Variants in HMGA2 observed in about 807,000 individuals in gnomAD.
HMGA2 encodes the protein high mobility group AT-hook 2.
HMGA2 carries 8 observed loss-of-function variants against 19.1 expected under a neutral mutation model. That is an observed-to-expected ratio of 0.42 (90% confidence interval 0.25 to 0.76). HMGA2 has a LOEUF of 0.76. HMGA2 is among the 30% of genes least tolerant of loss of function. The probability of loss-of-function intolerance (pLI) is 0.28; values close to 1 mark genes in which losing one functional copy is unlikely to be tolerated. For missense variants in HMGA2, 109 were observed against 136.3 expected, an observed-to-expected ratio of 0.80 and a Z score of 1.00; for synonymous variants, 60 against 48.8, an observed-to-expected ratio of 1.23 and a Z score of -0.96.
chr12:65,898,581 G>C (rs1409660684), intron 3 of HMGA2, among the ~76,000 whole-genome samples: 1 of 152,050 alleles, frequency 6.6e-6, no homozygotes, highest in Non-Finnish European at 1.5e-5. Context: ...TCAAACATAT[G>C]GTTATAGTAC....
intron 3 of HMGA2, among the ~76,000 whole-genome samples, chr12:65,939,493 A>G (rs1267526428): frequency 6.6e-6 from 1 of 151,960 alleles, no homozygotes; most frequent in Non-Finnish European, 1.5e-5. Flanking sequence ...GCAGCTGTGA[A>G]TACAGGCACC....
At chr12:65,826,715 T>A (rs1870216639) in intron 1 of HMGA2, 1 of 150,850 alleles carries the variant, frequency 6.6e-6, no homozygotes, top group African/African-American at 2.4e-5. Context: ...TCCCAGGAAG[T>A]CTCTGCCCTC....
intron 3 of HMGA2, among the ~76,000 whole-genome samples, chr12:65,926,675 C>A (rs1875515663): frequency 6.6e-6 from 1 of 152,230 alleles, no homozygotes. Context: ...TGCTTTCAAT[C>A]AGCAAATGCT....
intron 3 of HMGA2, among the ~76,000 whole-genome samples, chr12:65,870,041 A>G (rs1014418450): frequency 1.3e-5 from 2 of 152,182 alleles, no homozygotes; most frequent in African/African-American, 4.8e-5. Context: ...GTAGTGCACA[A>G]TATTCCAGCT....
intron 3 of HMGA2, among the ~76,000 whole-genome samples, chr12:65,883,371 A>G (rs1202121367): frequency 6.6e-6 from 1 of 152,236 alleles, no homozygotes; most frequent in Non-Finnish European, 1.5e-5. Context: ...AAGGATAACA[A>G]CAATACCATT....
intron 3 of HMGA2, among the ~76,000 whole-genome samples, chr12:65,924,908 C>T (rs1236559247): frequency 1.3e-5 from 2 of 152,124 alleles, no homozygotes; most frequent in South Asian, 2.1e-4. Flanking sequence ...CCTCTTCTGC[C>T]GTTCTGTCAT....
intron 3 of HMGA2, among the ~76,000 whole-genome samples, chr12:65,886,703 G>T (rs368486793): frequency 4.1e-4 from 63 of 152,126 alleles, no homozygotes; most frequent in African/African-American, 1.5e-3. Flanking sequence ...TACTGAGAAG[G>T]ACGTGAGCTA....
At chr12:65,959,501 C>G (rs1876690999) in intron 4 of HMGA2, among the ~76,000 whole-genome samples, 1 of 152,210 alleles carries the variant, frequency 6.6e-6, no homozygotes, top group Non-Finnish European at 1.5e-5. Context: ...CGGCCCGGTA[C>G]CTCACTTGTC....
At chr12:65,882,571 T>C (rs2121105225) in intron 3 of HMGA2, among the ~76,000 whole-genome samples, 1 of 152,308 alleles carries the variant, frequency 6.6e-6, no homozygotes, top group Non-Finnish European at 1.5e-5. Context: ...CCCACTGCTG[T>C]TTGGTTTTAA....
intron 3 of HMGA2, among the ~76,000 whole-genome samples, chr12:65,854,065 A>T (rs185354680): frequency 1.3e-5 from 2 of 152,178 alleles, no homozygotes. Flanking sequence ...GACATTTCAA[A>T]GTGTTTGTCA....
intron 3 of HMGA2, among the ~76,000 whole-genome samples, chr12:65,936,493 G>A (rs1875900667): frequency 6.6e-6 from 1 of 152,108 alleles, no homozygotes; most frequent in Admixed American, 6.5e-5. Context: ...AAACGGCCAG[G>A]CTTAAGTGAC....
chr12:65,931,408 C>A (rs1457756659), intron 3 of HMGA2, among the ~76,000 whole-genome samples: 1 of 152,090 alleles, frequency 6.6e-6, no homozygotes, highest in Non-Finnish European at 1.5e-5. Context: ...CTCCCGAAAC[C>A]ATCATCTCAC....
rs556108928 is a variant in HMGA2 at position 65,925,006 on chromosome 12, C to T, written c.250-26377C>T. 1.8e-4 allele frequency among the ~76,000 whole-genome samples: 27 copies of T among 152,258 alleles called. 1 individual carries two copies. The highest frequency in any genetic ancestry group is 6.5e-4 in the African/African-American group (27 of 41,554). Reference sequence around the variant, plus strand: ...AAAATTTAACAGAATAAAGAAATTTCCAGCCCTTGAAAATGCCCAGAAGCT... The same window carrying T: ...AAAATTTAACAGAATAAAGAAATTTTCAGCCCTTGAAAATGCCCAGAAGCT... On this transcript the variant is annotated intron_variant, in intron 3 of 4. Coordinates refer to ENST00000403681, the MANE Select transcript of HMGA2 (RefSeq NM_003483.6).
At position 65,965,931 on chromosome 12, in the gene HMGA2, A is replaced by T; in HGVS notation, c.*2639A>T. 2 of 217,516 alleles carry T rather than the reference A, an allele frequency of 9.2e-6. No individual in the cohort carries two copies. The highest frequency in any genetic ancestry group is 6.8e-5 in the East Asian group (1 of 14,790). The allele number at this position is 217,516 out of a possible 1,614,324, so 13.5% of individuals were successfully genotyped here. ...ATATAGTTTATTTTTGTGGGAGATA[A>T]ATTTTATAGGACTGTTCTTTGCTGT... On this transcript the variant is annotated 3_prime_UTR_variant, in exon 5 of 5. Coordinates refer to ENST00000403681, the MANE Select transcript of HMGA2 (RefSeq NM_003483.6).
intron 3 of HMGA2, among the ~76,000 whole-genome samples, chr12:65,895,756 G>T (rs1874102109): frequency 6.6e-6 from 1 of 152,084 alleles, no homozygotes; most frequent in Non-Finnish European, 1.5e-5. Flanking sequence ...ACTTCTTTCT[G>T]GTTGGTTGTA....
intron 3 of HMGA2, chr12:65,935,093 A>G (rs969986544): frequency 6.6e-6 from 1 of 152,192 alleles, no homozygotes; most frequent in Non-Finnish European, 1.5e-5. Context: ...CAGCGCCTGT[A>G]TGGCTTTGCA....
In HMGA2 at chr12:65,921,524, G is replaced by A. The variant is rs542583486; in HGVS notation, c.250-29859G>A. On this transcript the variant is annotated intron_variant, in intron 3 of 4. Transcript: ENST00000403681. Reference sequence around the variant, plus strand: ...GGCCTCCCAAAGTGCTGGGATTACAGGCGTGAGCCACTGCGCCCGGCAGGC... The same window carrying A: ...GGCCTCCCAAAGTGCTGGGATTACAAGCGTGAGCCACTGCGCCCGGCAGGC... Among the ~76,000 whole-genome samples the A allele has an allele frequency of 2.6e-5, 4 of 152,348 alleles. No individual in the cohort carries two copies. The South Asian group carries it at 8.3e-4, about 32-fold the overall frequency.
intron 3 of HMGA2, among the ~76,000 whole-genome samples, chr12:65,894,530 A>T (rs924780285): frequency 3.9e-5 from 6 of 152,206 alleles, no homozygotes; most frequent in African/African-American, 4.8e-5. Flanking sequence ...TACATGGTCA[A>T]ATCTAAGCAT....
intron 3 of HMGA2, among the ~76,000 whole-genome samples, chr12:65,931,350 TAA>T (rs1875702770): frequency 6.6e-6 from 1 of 152,160 alleles, no homozygotes; most frequent in Non-Finnish European, 1.5e-5. Context: ...GAAAAAAATT[TAA>T]GAGATTTAAA....
Sources: gnomAD v4.1 joint callset for allele counts (sites outside exome capture counted in the v4.1 genomes callset) on GRCh38, gnomAD v4.1.1 for gene constraint, MANE v1.5 for transcripts, NCBI Gene and HGNC (gene_info 2026-07-23, HGNC 2026-07-21) for gene names.